Variants in COL4A1 observed in about 807,000 individuals in gnomAD.
COL4A1 encodes the protein collagen type IV alpha 1 chain.
In COL4A1, 40 loss-of-function variants were observed where a neutral mutation model predicts 216.6. The ratio of observed to expected loss-of-function variants is 0.18; its 90% confidence interval spans 0.14 to 0.24. The LOEUF (loss-of-function observed/expected upper bound fraction) is 0.24, where lower values mean the gene tolerates loss of function less well. Ranked by LOEUF, COL4A1 falls within the 10% of genes least tolerant of loss-of-function variation. The pLI is 1.00. For missense variants in COL4A1, 1,628 were observed against 2,196.8 expected (o/e 0.74, Z 5.18); for synonymous variants, 839 against 810.7 (o/e 1.03, Z -0.59).
chr13:110,271,826 A>G (rs1353540057), intron 1 of COL4A1, among the ~76,000 whole-genome samples: 1 of 152,214 alleles, frequency 6.6e-6, no homozygotes, highest in Non-Finnish European at 1.5e-5. Context: ...TGGTTTTGTA[A>G]GACATTAACA....
intron 51 of COL4A1, among the ~76,000 whole-genome samples, chr13:110,151,760 C>T (rs931287087): frequency 2.0e-5 from 3 of 152,174 alleles, no homozygotes; most frequent in African/African-American, 7.2e-5. Context: ...GGGGACCGGC[C>T]CGGCTCCCAG....
chr13:110,211,745 A>G lies in COL4A1; in HGVS notation c.442-72T>C. On this transcript the variant is annotated intron_variant, in intron 7 of 51. Transcript: ENST00000375820. The surrounding 1 kb of genome is among the most constrained non-coding windows in gnomAD (Gnocchi z 4.3). The stretch of plus-strand genomic sequence containing the variant: ...ATTAGCATTAAAATTGTTATCATGT[A>G]ATATTATATATAAAATATAAGTTAT... 1.4e-6 allele frequency: 2 copies of G among 1,440,392 alleles called. No homozygotes were observed. Among genetic ancestry groups the G allele is most frequent in the Non-Finnish European group, 1.9e-6 (2 of 1,052,020 alleles). The allele number at this position is 1,440,392 out of a possible 1,614,324, so 89.2% of individuals were successfully genotyped here.
At chr13:110,209,215 G>C (rs757076415) in intron 11 of COL4A1, among the ~76,000 whole-genome samples, 177 bp downstream of exon 11, 37 of 152,148 alleles carry the variant, frequency 2.4e-4, no homozygotes, top group Non-Finnish European at 4.4e-4. Context: ...TCAATATATT[G>C]ATAGATAATC....
In COL4A1 at chr13:110,198,338, G is replaced by A. The variant is rs1486499558; in HGVS notation, c.1285+129C>T. ...AAGATTCCCTTAGAGGAATATGGAT[G>A]ATTAGAAGAATCCACGCCTTTCTAT... On this transcript the variant is annotated intron_variant, in intron 21 of 51. Coordinates refer to ENST00000375820, the MANE Select transcript of COL4A1 (RefSeq NM_001845.6). The A allele has an allele frequency of 3.2e-6, 3 of 945,606 alleles. No individual in the cohort carries two copies. In the Admixed American group the frequency reaches 7.0e-5, roughly 22 times the overall value. 58.6% of individuals were successfully genotyped at this position (945,606 alleles called of 1,614,324 possible). A position where few individuals can be genotyped will look rare whatever the true frequency, so the allele number is the denominator to read the frequency against.
Position 110,257,271 on chromosome 13 carries a change from C to T in COL4A1, c.85-14537G>A, listed in dbSNP as rs138702962. On this transcript the variant is annotated intron_variant, in intron 1 of 51. Coordinates refer to ENST00000375820, the MANE Select transcript of COL4A1 (RefSeq NM_001845.6). ...AGAATAACGAACATGTGGAAGAGAT[C>T]CTGCGGCAAACCTTCTCTGCATTTG... Among the ~76,000 whole-genome samples the T allele has an allele frequency of 2.9e-3, 447 of 152,260 alleles. 4 individuals are homozygous for T. The highest frequency in any genetic ancestry group is 0.01 in the African/African-American group (429 of 41,554).
At chr13:110,222,176 T>G (rs1880515356) in intron 2 of COL4A1, among the ~76,000 whole-genome samples, 1 of 151,832 alleles carries the variant, frequency 6.6e-6, no homozygotes, top group Admixed American at 6.6e-5. Flanking sequence ...GCTGCCTTCA[T>G]GTGAAACAGG....
In COL4A1 at chr13:110,211,526, G is replaced by A; in HGVS notation, c.468+121C>T. 1 of 889,082 alleles carries A rather than the reference G, an allele frequency of 1.1e-6. No individual in the cohort carries two copies. Among genetic ancestry groups the A allele is most frequent in the Admixed American group, 2.3e-5 (1 of 43,374 alleles). 55.1% of individuals were successfully genotyped at this position (889,082 alleles called of 1,614,324 possible). On this transcript the variant is annotated intron_variant, in intron 8 of 51. Coordinates refer to ENST00000375820, the MANE Select transcript of COL4A1 (RefSeq NM_001845.6). The surrounding 1 kb of genome is among the most constrained non-coding windows in gnomAD (Gnocchi z 4.3). ...GTCTTTTCATGTAACAGAGTTTAGG[G>A]AAGTGTGTTCAGAAACAATCGATCA... is the stretch of plus-strand genomic sequence containing the variant.
intron 1 of COL4A1, among the ~76,000 whole-genome samples, chr13:110,255,586 CAGGA>C (rs1405487762): frequency 8.1e-5 from 1 of 12,332 alleles, no homozygotes; most frequent in Non-Finnish European, 1.8e-4. Flanking sequence ...GGCAGGCAGG[CAGGA>C]AGGGAAGGGG....
At chr13:110,179,484 A>T in intron 29 of COL4A1, 63 bp from the exon 30 acceptor site, 1 of 1,611,474 alleles carries the variant, frequency 6.2e-7, no homozygotes, top group South Asian at 1.1e-5. Context: ...TTATCAAACC[A>T]ATAGCGTAAG....
Position 110,170,606 on chromosome 13 carries a change from C to A in COL4A1, c.3683G>T (p.Gly1228Val), listed in dbSNP as rs1555302449. ...QGQPGLPGSP[G>V]HATEGPKGDR... ...TCCTTTGGGCCCCTCCGTGGCATGG[C>A]CTGGGGATCCCGGTAACCCCGGCTG... Residue 1228 changes from glycine (G) to valine (V), a missense_variant, in exon 42 of 52, where the codon GGC (glycine) becomes GTC (valine). By Grantham distance (109) the Gly-to-Val change is moderately radical (BLOSUM62 -3). Coordinates refer to ENST00000375820, the MANE Select transcript of COL4A1 (RefSeq NM_001845.6). 6.2e-7 allele frequency: 1 copy of A among 1,611,638 alleles called. No individual in the cohort carries two copies. The highest frequency in any genetic ancestry group is 8.5e-7 in the Non-Finnish European group (1 of 1,178,890).
rs1053865709 is a variant in COL4A1, at chr13:110,173,135, T to A, written c.3506-365A>T. Among the ~76,000 whole-genome samples the A allele has an allele frequency of 3.3e-5, 5 of 152,040 alleles. 1 individual carries two copies. The highest frequency in any genetic ancestry group is 1.2e-4 in the African/African-American group (5 of 41,408). On this transcript the variant is annotated intron_variant, in intron 40 of 51. Coordinates refer to ENST00000375820, the MANE Select transcript of COL4A1 (RefSeq NM_001845.6). ...GGGAGGTGGGGAAAGCCAAAGAGAT[T>A]TGGGGCAGCAGATGCTGGGGAGATG...
intron 1 of COL4A1, 94 bp downstream of exon 1, chr13:110,306,850 G>A (rs1036907329): frequency 1.7e-6 from 2 of 1,197,746 alleles, no homozygotes; most frequent in Non-Finnish European, 2.2e-6. Flanking sequence ...ACCCCCGAGG[G>A]GCAGGCGGAC....
At chr13:110,231,481 C>T (rs1002772166) in intron 2 of COL4A1, among the ~76,000 whole-genome samples, 1 of 152,178 alleles carries the variant, frequency 6.6e-6, no homozygotes, top group Non-Finnish European at 1.5e-5. Context: ...CCCTTCCCTG[C>T]CCCCTGCAGA....
intron 42 of COL4A1, 141 bp downstream of exon 42, chr13:110,170,406 A>C: frequency 1.1e-6 from 1 of 932,812 alleles, no homozygotes; most frequent in Admixed American, 2.3e-5. Context: ...TGGGGGCCAA[A>C]CACAATTTCA....
rs1227291789 is a variant in COL4A1, at chr13:110,207,148, T to C, written c.780+255A>G. 6.7e-6 allele frequency among the ~76,000 whole-genome samples: 1 copy of C among 149,970 alleles called. No homozygotes were observed. Among genetic ancestry groups the C allele is most frequent in the Non-Finnish European group, 1.5e-5 (1 of 67,538 alleles). ...CAGCTCCCTCCTCCTGACCAAGCCA[T>C]CTCCAACTTGGGGCACATTTAAGAA... On this transcript the variant is annotated intron_variant, in intron 13 of 51. Transcript: ENST00000375820. This position sits in a 1 kb window ranked among gnomAD's most constrained non-coding sequence, Gnocchi z 4.4.
chr13:110,239,031 C>T (rs557391153), intron 2 of COL4A1, among the ~76,000 whole-genome samples: 1 of 152,106 alleles, frequency 6.6e-6, no homozygotes, highest in Non-Finnish European at 1.5e-5. Context: ...AAATTAATTA[C>T]CTAACAGAAA....
chr13:110,282,033 G>A (rs1183548878), intron 1 of COL4A1, among the ~76,000 whole-genome samples: 1 of 152,128 alleles, frequency 6.6e-6, no homozygotes, highest in East Asian at 1.9e-4. Context: ...TATCCACCTA[G>A]TCTTACTTAA....
intron 10 of COL4A1, 160 bp downstream of exon 10, chr13:110,209,820 G>T: frequency 1.1e-6 from 1 of 895,868 alleles, no homozygotes; most frequent in Non-Finnish European, 1.9e-6. Flanking sequence ...GTACCGGGAT[G>T]CCAGCCAAAC....
intron 1 of COL4A1, among the ~76,000 whole-genome samples, chr13:110,255,448 A>T (rs1484754756): frequency 6.8e-5 from 10 of 146,498 alleles, no homozygotes; most frequent in Non-Finnish European, 1.5e-5. Flanking sequence ...GAGGCAGGTC[A>T]TGGCTCAAGG....
Sources: gnomAD v4.1 joint callset for allele counts (sites outside exome capture counted in the v4.1 genomes callset) on GRCh38, gnomAD v4.1.1 for gene constraint, Gnocchi (gnomAD v3.1) non-coding constraint, MANE v1.5 for transcripts, NCBI Gene and HGNC (gene_info 2026-07-23, HGNC 2026-07-21) for gene names.